ALK: variants seen among roughly 807,000 people sequenced by gnomAD.
ALK encodes the protein ALK receptor tyrosine kinase, also known as ALK tyrosine kinase receptor.
In ALK, 74 loss-of-function variants were observed where a neutral mutation model predicts 163.1. That is an observed-to-expected ratio of 0.45 (90% CI 0.38 to 0.55). ALK has a LOEUF of 0.55. ALK is among the 20% of genes least tolerant of loss of function. The pLI is 0.00. For missense variants in ALK, 2,063 were observed against 2,105.3 expected (o/e 0.98, Z 0.39); for synonymous variants, 960 against 843.2 (o/e 1.14, Z -2.40).
intron 1 of ALK, among the ~76,000 whole-genome samples, chr2:29,741,037 A>G (rs1002436024): frequency 1.3e-5 from 2 of 152,190 alleles, no homozygotes; most frequent in African/African-American, 4.8e-5. Context: ...AGAGAAATGT[A>G]TCAAGCCATG....
At chr2:29,834,893 T>C (rs1246629433) in intron 1 of ALK, among the ~76,000 whole-genome samples, 1 of 152,180 alleles carries the variant, frequency 6.6e-6, no homozygotes, top group East Asian at 1.9e-4. Context: ...TCACTTCAAA[T>C]CATGGCAGGC....
At chr2:29,719,820 C>A (rs1679372626) in intron 1 of ALK, among the ~76,000 whole-genome samples, 1 of 152,096 alleles carries the variant, frequency 6.6e-6, no homozygotes, top group Non-Finnish European at 1.5e-5. Flanking sequence ...CAGGGCCTGG[C>A]AGGGCCCCCA....
At chr2:29,386,782 A>G (rs1396773545) in intron 4 of ALK, among the ~76,000 whole-genome samples, 1 of 152,240 alleles carries the variant, frequency 6.6e-6, no homozygotes, top group Non-Finnish European at 1.5e-5. Flanking sequence ...GCAGTTGCCA[A>G]ACATGTATTT....
chr2:29,353,045 A>G (rs1276672142), intron 5 of ALK, among the ~76,000 whole-genome samples: 3 of 152,246 alleles, frequency 2.0e-5, no homozygotes, highest in African/African-American at 7.2e-5. Context: ...GGACTAACAG[A>G]CTAGCTACAA....
intron 3 of ALK, among the ~76,000 whole-genome samples, chr2:29,575,032 T>C (rs1674484922): frequency 6.6e-6 from 1 of 152,216 alleles, no homozygotes; most frequent in Non-Finnish European, 1.5e-5. Flanking sequence ...CGTTTCCTCC[T>C]GCAAGTCCCT....
At chr2:29,467,939 G>C (rs1220663873) in intron 4 of ALK, among the ~76,000 whole-genome samples, 1 of 151,914 alleles carries the variant, frequency 6.6e-6, no homozygotes, top group Non-Finnish European at 1.5e-5. Context: ...TAAATGAATA[G>C]GTAAATATTT....
chr2:29,795,225 T>A (rs1572385307), intron 1 of ALK, among the ~76,000 whole-genome samples: 1 of 151,898 alleles, frequency 6.6e-6, no homozygotes, highest in Non-Finnish European at 1.5e-5. Context: ...ATATGAAAAG[T>A]TGTTCAGCCT....
At chr2:29,333,926 G>A (rs1299764974) in intron 5 of ALK, among the ~76,000 whole-genome samples, 3 of 152,164 alleles carry the variant, frequency 2.0e-5, no homozygotes, top group Non-Finnish European at 4.4e-5. Flanking sequence ...ATTTTCATGT[G>A]ATGCCTCCCT....
intron 1 of ALK, among the ~76,000 whole-genome samples, chr2:29,783,342 T>C (rs1663896957): frequency 6.6e-6 from 1 of 152,248 alleles, no homozygotes; most frequent in Non-Finnish European, 1.5e-5. Flanking sequence ...TGTTCAATTA[T>C]GTGTCAAGTC....
chr2:29,234,016 T>C lies in ALK; in HGVS notation c.2356-320A>G, dbSNP rs78287501. 0.062 allele frequency among the ~76,000 whole-genome samples: 9,499 copies of C among 152,102 alleles called. 347 individuals are homozygous for C. Among genetic ancestry groups the C allele is most frequent in the Non-Finnish European group, 0.088 (6,007 of 67,986 alleles). On this transcript the variant is annotated intron_variant, in intron 13 of 28. Coordinates refer to ENST00000389048, the MANE Select transcript of ALK (RefSeq NM_004304.5). ...GAGTTTTTTTTTGTTTGTTTTTGTT[T>C]TTTTCACAGAGAGTGGGGCAAAGTT...
At chr2:29,328,294 C>A (rs1022421801) in intron 6 of ALK, 56 bp downstream of exon 6, 1 of 1,612,972 alleles carries the variant, frequency 6.2e-7, no homozygotes, top group South Asian at 1.1e-5. Context: ...ATGGGGACAA[C>A]GGGGTTATGA....
At chr2:29,671,764 A>C (rs1261610813) in intron 3 of ALK, among the ~76,000 whole-genome samples, 1 of 152,054 alleles carries the variant, frequency 6.6e-6, no homozygotes, top group Non-Finnish European at 1.5e-5. Context: ...AAGTGTTGCT[A>C]GTGAAAATCT....
chr2:29,802,553 GGAGGA>G (rs1376101384), intron 1 of ALK, among the ~76,000 whole-genome samples: 6 of 34,572 alleles, frequency 1.7e-4, no homozygotes, highest in Admixed American at 3.0e-4. Flanking sequence ...GGAGGGGAGG[GGAGGA>G]GAGGGGAGGG....
chr2:29,886,540 T>G (rs1390466249), intron 1 of ALK, among the ~76,000 whole-genome samples: 1 of 152,232 alleles, frequency 6.6e-6, no homozygotes, highest in Non-Finnish European at 1.5e-5. Context: ...GCCCCAGCCA[T>G]GTCCACTTCC....
At chr2:29,727,687 CT>C (rs1679612601) in intron 1 of ALK, among the ~76,000 whole-genome samples, 2 of 152,214 alleles carry the variant, frequency 1.3e-5, no homozygotes, top group Non-Finnish European at 2.9e-5. Context: ...TTTTAAATCA[CT>C]CTTCACCTGT....
At chr2:29,388,615 T>C (rs997672356) in intron 4 of ALK, among the ~76,000 whole-genome samples, 4 of 152,232 alleles carry the variant, frequency 2.6e-5, no homozygotes, top group African/African-American at 9.6e-5. Flanking sequence ...GTAAGGATTT[T>C]TGAGAAGGAT....
At chr2:29,290,192 GT>G (rs1157000402) in intron 9 of ALK, among the ~76,000 whole-genome samples, 1 of 152,222 alleles carries the variant, frequency 6.6e-6, no homozygotes, top group Admixed American at 6.5e-5. Flanking sequence ...TTAATGGCAA[GT>G]TCTTAAACCC....
intron 3 of ALK, among the ~76,000 whole-genome samples, chr2:29,613,476 A>G (rs1185860608): frequency 6.6e-6 from 1 of 152,228 alleles, no homozygotes; most frequent in Non-Finnish European, 1.5e-5. Context: ...CTTCCTTTAA[A>G]AAATCAGCTT....
rs1191984132 is a variant in ALK, at chr2:29,531,979, G to A, written c.1090C>T (p.Gln364Ter). Residue 364 changes from glutamine (Q) to a stop codon, truncating the protein, a stop_gained, in exon 4 of 29, where the codon CAG (glutamine) becomes TAG (stop). Transcript: ENST00000389048. LOFTEE classifies it high-confidence loss of function. ...GCAGCCTCGTTGTGGGGCAGCAGCT[G>A]GGCAATGTACCTTCCAGAGGGCTGC... ...HLQPSGRYIA[Q>*]LLPHNEAARE... 1.9e-6 allele frequency: 3 copies of A among 1,614,080 alleles called. No individual in the cohort carries two copies. Among genetic ancestry groups the A allele is most frequent in the Non-Finnish European group, 2.5e-6 (3 of 1,180,034 alleles).
Sources: gnomAD v4.1 joint callset for allele counts (sites outside exome capture counted in the v4.1 genomes callset) on GRCh38, gnomAD v4.1.1 for gene constraint, MANE v1.5 for transcripts, NCBI Gene and HGNC (gene_info 2026-07-23, HGNC 2026-07-21) for gene names.